The following IQGAP2 variants were observed in gnomAD, a reference collection of about 807,000 sequenced individuals.
IQGAP2 encodes the protein IQ motif containing GTPase activating protein 2.
Under a neutral mutation model 201.3 loss-of-function variants are expected in IQGAP2, and 173 were observed. The observed-to-expected ratio is 0.86, with a 90% CI of 0.76 to 0.98. IQGAP2 has a LOEUF of 0.98. IQGAP2 is among the 50% of genes least tolerant of loss of function. IQGAP2 has a pLI of 0.00. For synonymous variants in IQGAP2, 675 were observed against 673.9 expected (o/e 1.00, Z -0.03); for missense variants, 1,687 against 1,864.8 (o/e 0.90, Z 1.76).
chr5:76,703,026 G>A (rs1464927764), intron 35 of IQGAP2, among the ~76,000 whole-genome samples: 2 of 112,548 alleles, frequency 1.8e-5, no homozygotes, highest in Admixed American at 1.0e-4. Flanking sequence ...GGGTGGGGGT[G>A]GGGCATTGAG....
chr5:76,690,233 G>A (rs530726058), intron 30 of IQGAP2, among the ~76,000 whole-genome samples: 1 of 152,308 alleles, frequency 6.6e-6, no homozygotes, highest in East Asian at 1.9e-4. Flanking sequence ...TAACTGGAAT[G>A]TGAGCAGGAC....
At chr5:76,421,851 G>T (rs528744643) in intron 1 of IQGAP2, among the ~76,000 whole-genome samples, 1 of 152,288 alleles carries the variant, frequency 6.6e-6, no homozygotes, top group East Asian at 1.9e-4. Flanking sequence ...TTTCAAAATA[G>T]AATATTGTTT....
intron 13 of IQGAP2, chr5:76,617,830 C>G (rs1270688227): frequency 6.2e-7 from 1 of 1,613,852 alleles, no homozygotes; most frequent in Non-Finnish European, 8.5e-7. Flanking sequence ...CATCTATGAT[C>G]GTATGCATTA....
chr5:76,458,327 G>A (rs571646546), intron 1 of IQGAP2, among the ~76,000 whole-genome samples: 14 of 152,284 alleles, frequency 9.2e-5, no homozygotes, highest in African/African-American at 3.4e-4. Flanking sequence ...CACATCTTAA[G>A]TGAATTATTT....
At position 76,641,160 on chromosome 5, in the gene IQGAP2, T is replaced by C. The variant is rs531266547; in HGVS notation, c.2094+57T>C. The C allele has an allele frequency of 6.6e-4, 898 of 1,352,514 alleles. 2 individuals are homozygous for C. The highest frequency in any genetic ancestry group is 8.5e-4 in the Non-Finnish European group (836 of 983,194). The allele number at this position is 1,352,514 out of a possible 1,614,324, so 83.8% of individuals were successfully genotyped here. A position where few individuals can be genotyped will look rare whatever the true frequency, so the allele number is the denominator to read the frequency against. On this transcript the variant is annotated intron_variant, in intron 17 of 35. Transcript: ENST00000274364. ...AACTGTCATATCACCTGAAAATGTTTTATTTGATAATAGAATAGTCAACTA... is the reference window on the plus strand; with the variant it reads ...AACTGTCATATCACCTGAAAATGTTCTATTTGATAATAGAATAGTCAACTA...
At chr5:76,443,158 C>T (rs150825486) in intron 1 of IQGAP2, among the ~76,000 whole-genome samples, 68 of 152,304 alleles carry the variant, frequency 4.5e-4, no homozygotes, top group Admixed American at 4.6e-4. Context: ...TATTGCCCTA[C>T]AGAGAGTGAC....
In IQGAP2 at chr5:76,609,164, A is replaced by C. The variant is rs1445785154; in HGVS notation, c.1358-1856A>C. Reference sequence around the variant, plus strand: ...GGTGATTTCAATCAAGTCAGCTGAAATGCACTCACTTCCAGGTGATCGGCC... The same window carrying C: ...GGTGATTTCAATCAAGTCAGCTGAACTGCACTCACTTCCAGGTGATCGGCC... On this transcript the variant is annotated intron_variant, in intron 12 of 35. Transcript: ENST00000274364. 7 of 1,535,840 alleles carry C rather than the reference A, an allele frequency of 4.6e-6. No homozygotes were observed. In the Admixed American group the frequency reaches 5.9e-5, roughly 13 times the overall value.
intron 13 of IQGAP2, chr5:76,618,408 A>G: frequency 2.5e-6 from 4 of 1,614,224 alleles, no homozygotes; most frequent in Non-Finnish European, 3.4e-6. Flanking sequence ...CAGGAGGTAG[A>G]TGGCAGGTAT....
At chr5:76,649,811 T>C (rs546612636) in intron 17 of IQGAP2, among the ~76,000 whole-genome samples, 17 of 152,348 alleles carry the variant, frequency 1.1e-4, no homozygotes, top group African/African-American at 4.1e-4. Flanking sequence ...TCATGACAGT[T>C]CTGCTCCTGC....
At chr5:76,646,875 A>G (rs984870248) in intron 17 of IQGAP2, among the ~76,000 whole-genome samples, 18 of 152,128 alleles carry the variant, frequency 1.2e-4, no homozygotes, top group African/African-American at 3.9e-4. Context: ...TGTGAATAAC[A>G]TCTTTATTCT....
intron 1 of IQGAP2, among the ~76,000 whole-genome samples, chr5:76,409,785 C>T (rs536102023): frequency 4.6e-5 from 7 of 152,256 alleles, no homozygotes; most frequent in Non-Finnish European, 7.4e-5. Flanking sequence ...GTAGTGAAGC[C>T]GACCTGTGAG....
chr5:76,684,419 G>A (rs535145775), intron 30 of IQGAP2, among the ~76,000 whole-genome samples: 77 of 152,206 alleles, frequency 5.1e-4, no homozygotes, highest in African/African-American at 1.7e-3. Flanking sequence ...GCTTCCTGCC[G>A]CTAAAGATTT....
At chr5:76,705,677 A>G (rs1180207967) in intron 35 of IQGAP2, among the ~76,000 whole-genome samples, 3 of 152,236 alleles carry the variant, frequency 2.0e-5, no homozygotes, top group Non-Finnish European at 4.4e-5. Flanking sequence ...TTCTAGAAGC[A>G]TATCTGAATA....
intron 2 of IQGAP2, among the ~76,000 whole-genome samples, chr5:76,535,723 T>TTTTG (rs746511320): frequency 1.8e-4 from 27 of 152,286 alleles, no homozygotes; most frequent in South Asian, 4.1e-4. Context: ...ACTACTGTTA[T>TTTTG]TTTGTTTGTT....
At chr5:76,530,292 C>A (rs1161660859) in intron 2 of IQGAP2, among the ~76,000 whole-genome samples, 3 of 152,154 alleles carry the variant, frequency 2.0e-5, no homozygotes, top group African/African-American at 4.8e-5. Flanking sequence ...GCTGTATGTG[C>A]CAATCCCTGG....
At chr5:76,435,061 T>TGC (rs1752582657) in intron 1 of IQGAP2, among the ~76,000 whole-genome samples, 1 of 148,524 alleles carries the variant, frequency 6.7e-6, no homozygotes, top group African/African-American at 2.5e-5. Context: ...TTTTTTTTTC[T>TGC]TTTTTTTTGC....
At chr5:76,461,035 C>T (rs1289620571) in intron 1 of IQGAP2, among the ~76,000 whole-genome samples, 1 of 151,768 alleles carries the variant, frequency 6.6e-6, no homozygotes, top group Non-Finnish European at 1.5e-5. Flanking sequence ...CCCCCCACCA[C>T]ACCTGGCTAA....
chr5:76,651,734 G>GT lies in IQGAP2; in HGVS notation c.2095-1005dup, dbSNP rs535638195. ...TCGATGATTCTTTCCAAATTAAAAG[G>GT]TTTTTTTTTTTAAACATATTTATGC... is the stretch of plus-strand genomic sequence containing the variant. On this transcript the variant is annotated intron_variant, in intron 17 of 35. Transcript: ENST00000274364. Among the ~76,000 whole-genome samples, 1,352 of 147,626 alleles carry GT rather than the reference G, an allele frequency of 9.2e-3. 24 individuals are homozygous for GT. The highest frequency in any genetic ancestry group is 0.03 in the African/African-American group (1,211 of 40,372).
In IQGAP2 at chr5:76,667,083, A is replaced by G. The variant is rs111594304; in HGVS notation, c.2680-1598A>G. Among the ~76,000 whole-genome samples, 10 of 152,306 alleles carry G rather than the reference A, an allele frequency of 6.6e-5. 1 individual carries two copies. Among genetic ancestry groups the G allele is most frequent in the Admixed American group, 2.0e-4 (3 of 15,292 alleles). On this transcript the variant is annotated intron_variant, in intron 22 of 35. Transcript: ENST00000274364. Reference sequence around the variant, plus strand: ...TTCTTAACCAAAGCCGCAGTCAGCTAGTATAGGTTTTTGGGGGGTTTGTCT... The same window carrying G: ...TTCTTAACCAAAGCCGCAGTCAGCTGGTATAGGTTTTTGGGGGGTTTGTCT...
Sources: allele counts gnomAD v4.1 joint callset (sites outside exome capture counted in the v4.1 genomes callset), GRCh38; gene constraint gnomAD v4.1.1; transcripts MANE v1.5; gene names NCBI Gene and HGNC (gene_info 2026-07-23, HGNC 2026-07-21).